Variants in LUZP2 observed in about 807,000 individuals in gnomAD.
The protein encoded by LUZP2 is leucine zipper protein 2.
In LUZP2, 52 loss-of-function variants were observed where a neutral mutation model predicts 51.6. The ratio of observed to expected loss-of-function variants is 1.01; its 90% CI spans 0.81 to 1.27. The LOEUF is 1.27. LUZP2 is among the 50% of genes most tolerant of loss of function. LUZP2 has a pLI of 0.00. For missense variants in LUZP2, 436 were observed against 395.4 expected (o/e 1.10, Z -0.87); for synonymous variants, 154 against 137.3 (o/e 1.12, Z -0.85).
chr11:24,617,012 C>T (rs1854311538), intron 1 of LUZP2, among the ~76,000 whole-genome samples: 1 of 152,124 alleles, frequency 6.6e-6, no homozygotes, highest in African/African-American at 2.4e-5. Flanking sequence ...TGATTAGTTC[C>T]TGTTGGTTGA....
chr11:24,959,009 G>A (rs943844498), intron 7 of LUZP2, among the ~76,000 whole-genome samples: 5 of 152,094 alleles, frequency 3.3e-5, no homozygotes, highest in Non-Finnish European at 7.3e-5. Context: ...TATTAAATAG[G>A]GAATCCTTTC....
chr11:25,034,349 A>G (rs1453665320), intron 9 of LUZP2, among the ~76,000 whole-genome samples: 2 of 152,138 alleles, frequency 1.3e-5, no homozygotes, highest in Admixed American at 6.6e-5. Flanking sequence ...CTAGTTTACA[A>G]ATATCTTCTT....
intron 9 of LUZP2, among the ~76,000 whole-genome samples, chr11:25,025,980 A>T (rs1033818834): frequency 1.3e-5 from 2 of 152,150 alleles, no homozygotes; most frequent in Non-Finnish European, 2.9e-5. Context: ...GAATGAGTTC[A>T]TGTCCTTTGT....
At chr11:24,914,397 T>C in intron 6 of LUZP2, 79 bp from the exon 7 acceptor site, 1 of 1,056,082 alleles carries the variant, frequency 9.5e-7, no homozygotes, top group Non-Finnish European at 1.4e-6. Flanking sequence ...TGTATTCCTG[T>C]GAAGTCTGAA....
chr11:25,079,331 A>G lies in LUZP2; in HGVS notation c.*673A>G, dbSNP rs953914749. 11 of 152,218 alleles carry G rather than the reference A, an allele frequency of 7.2e-5. No individual in the cohort carries two copies. The highest frequency in any genetic ancestry group is 2.7e-4 in the African/African-American group (11 of 41,480). 9.4% of individuals were successfully genotyped at this position (152,218 alleles called of 1,614,324 possible). A position where few individuals can be genotyped will look rare whatever the true frequency, so the allele number is the denominator to read the frequency against. On this transcript the variant is annotated 3_prime_UTR_variant, in exon 12 of 12. Transcript: ENST00000336930. Reference sequence around the variant, plus strand: ...ACAATTAAATATTTTGGCATTCTATAGACACATCTCCTATGTATGTCTACT... The same window carrying G: ...ACAATTAAATATTTTGGCATTCTATGGACACATCTCCTATGTATGTCTACT...
intron 7 of LUZP2, among the ~76,000 whole-genome samples, chr11:24,944,899 G>A (rs1383668682): frequency 6.6e-6 from 1 of 152,120 alleles, no homozygotes; most frequent in Non-Finnish European, 1.5e-5. Context: ...AAGCTGTGGT[G>A]AATTTAATTA....
intron 7 of LUZP2, among the ~76,000 whole-genome samples, chr11:24,938,017 A>G (rs1342045864): frequency 6.6e-6 from 1 of 152,146 alleles, no homozygotes; most frequent in African/African-American, 2.4e-5. Flanking sequence ...TTCTCCTTCA[A>G]GATGTCTAGC....
chr11:25,043,991 CATATATCTGATATATAGTCTAT>C (rs1421482711), intron 9 of LUZP2, among the ~76,000 whole-genome samples: 2 of 1,560 alleles, frequency 1.3e-3, no homozygotes, highest in East Asian at 0.011. Context: ...ATATAGTCTA[CATATATCTGATATATAGTCTAT>C]ATATATCTGA....
chr11:25,068,751 G>C (rs1282201498), intron 10 of LUZP2, among the ~76,000 whole-genome samples: 2 of 151,918 alleles, frequency 1.3e-5, no homozygotes, highest in African/African-American at 4.8e-5. Flanking sequence ...GCCAGATTCA[G>C]TATAAACATC....
rs376921879 is a variant in LUZP2 at position 24,616,573 on chromosome 11, T to C, written c.63-112596T>C. ...TCTTGAAAAGACTACCTTTCCACCA[T>C]AGAAATTAATTTTCACCTTTGTCAA... On this transcript the variant is annotated intron_variant, in intron 1 of 11. Transcript: ENST00000336930. Among the ~76,000 whole-genome samples the C allele has an allele frequency of 1.1e-4, 16 of 152,036 alleles. No individual in the cohort carries two copies. The South Asian group carries it at 1.2e-3, about 12-fold the overall frequency.
At position 24,989,680 on chromosome 11, in the gene LUZP2, C is replaced by G. The variant is rs568540700; in HGVS notation, c.765+6387C>G. Among the ~76,000 whole-genome samples the G allele has an allele frequency of 2.6e-5, 4 of 152,156 alleles. 1 individual carries two copies. The East Asian group carries it at 7.7e-4, about 29-fold the overall frequency. ...AAAGCAAAATGAATTATATGAACAA[C>G]TGGGATACGGTGAAACTGAGCTTGC... On this transcript the variant is annotated intron_variant, in intron 9 of 11. Coordinates refer to ENST00000336930, the MANE Select transcript of LUZP2 (RefSeq NM_001009909.4).
intron 2 of LUZP2, among the ~76,000 whole-genome samples, chr11:24,729,559 G>C (rs1486713): frequency 0.75 from 114,350 of 151,694 alleles, 44,086 homozygotes; most frequent in African/African-American, 0.89. Context: ...CTGTGTTTTT[G>C]GTATTATAAA....
chr11:24,515,256 T>A (rs1014897271), intron 1 of LUZP2, among the ~76,000 whole-genome samples: 1 of 152,144 alleles, frequency 6.6e-6, no homozygotes, highest in Admixed American at 6.5e-5. Context: ...AGGAGAGAAG[T>A]GGTATTCTAG....
chr11:25,021,858 A>G (rs1198207993), intron 9 of LUZP2, among the ~76,000 whole-genome samples: 1 of 152,044 alleles, frequency 6.6e-6, no homozygotes, highest in African/African-American at 2.4e-5. Context: ...TGAAGCTACT[A>G]CCCTCTAATG....
intron 1 of LUZP2, among the ~76,000 whole-genome samples, chr11:24,573,359 T>G (rs1261484671): frequency 6.6e-6 from 1 of 152,054 alleles, no homozygotes; most frequent in Non-Finnish European, 1.5e-5. Context: ...CTTTGCAAAT[T>G]ACTAGCTCTT....
At chr11:24,964,918 A>G (rs890324731) in intron 7 of LUZP2, among the ~76,000 whole-genome samples, 1 of 152,034 alleles carries the variant, frequency 6.6e-6, no homozygotes, top group South Asian at 2.1e-4. Context: ...ATGAAGACAA[A>G]CATGTTTTAT....
At chr11:25,043,654 T>C (rs908105468) in intron 9 of LUZP2, among the ~76,000 whole-genome samples, 8 of 150,784 alleles carry the variant, frequency 5.3e-5, no homozygotes, top group Admixed American at 1.3e-4. Context: ...CTCATTTTCC[T>C]AGCTCTTGAT....
rs556814640 is a variant in LUZP2 at position 25,004,540 on chromosome 11, G to A, written c.765+21247G>A. On this transcript the variant is annotated intron_variant, in intron 9 of 11. Coordinates refer to ENST00000336930, the MANE Select transcript of LUZP2 (RefSeq NM_001009909.4). ...CTTTTGGAGCTTTCTGCTGATATCC[G>A]CAGCTGATTGAGTAATAAACTTATC... Among the ~76,000 whole-genome samples the A allele has an allele frequency of 8.1e-4, 124 of 152,206 alleles. 3 individuals are homozygous for A. The South Asian group carries it at 0.019, about 23-fold the overall frequency.
At chr11:25,050,450 G>A (rs1316916154) in intron 10 of LUZP2, among the ~76,000 whole-genome samples, 1 of 151,438 alleles carries the variant, frequency 6.6e-6, no homozygotes, top group East Asian at 1.9e-4. Context: ...GACTACAGGC[G>A]CCCGCCACCG....
Sources: allele counts gnomAD v4.1 joint callset (sites outside exome capture counted in the v4.1 genomes callset), GRCh38; gene constraint gnomAD v4.1.1; transcripts MANE v1.5; gene names NCBI Gene and HGNC (gene_info 2026-07-23, HGNC 2026-07-21).